Variants in DIP2C observed in about 807,000 individuals in gnomAD.
DIP2C encodes the protein disco-interacting protein 2 homolog C.
Under a neutral mutation model 192.4 loss-of-function variants are expected in DIP2C, and 33 were observed. The ratio of observed to expected loss-of-function variants is 0.17; its 90% CI spans 0.13 to 0.23. The LOEUF is 0.23. DIP2C is among the 10% of genes least tolerant of loss of function. The pLI is 1.00. For synonymous variants in DIP2C, 979 were observed against 864.1 expected, an observed-to-expected ratio of 1.13 and a Z score of -2.33; for missense variants, 1,537 against 2,110.1, an observed-to-expected ratio of 0.73 and a Z score of 5.32.
chr10:580,339 T>C (rs1588510793), intron 1 of DIP2C, among the ~76,000 whole-genome samples: 1 of 152,172 alleles, frequency 6.6e-6, no homozygotes, highest in Admixed American at 6.5e-5. Context: ...TCAGTGTGCG[T>C]AGTGTACATG....
chr10:392,738 GCACACACTCACATACA>G (rs1290349889), intron 10 of DIP2C, among the ~76,000 whole-genome samples: 1 of 150,338 alleles, frequency 6.7e-6, no homozygotes, highest in Non-Finnish European at 1.5e-5. Context: ...GTACACACGC[GCACACACTCACATACA>G]CACACACACA....
chr10:618,185 G>A (rs777816676), intron 1 of DIP2C, among the ~76,000 whole-genome samples: 13 of 152,204 alleles, frequency 8.5e-5, no homozygotes, highest in African/African-American at 2.7e-4. Context: ...AAGTTGTAAA[G>A]CCTCATGCAT....
intron 1 of DIP2C, among the ~76,000 whole-genome samples, chr10:547,235 G>C (rs928775393): frequency 2.0e-5 from 3 of 152,144 alleles, no homozygotes; most frequent in African/African-American, 7.2e-5. Flanking sequence ...CCCCCATCGC[G>C]AGGCCACAGC....
At chr10:405,171 C>T (rs141645427) in intron 9 of DIP2C, among the ~76,000 whole-genome samples, 123 of 152,348 alleles carry the variant, frequency 8.1e-4, no homozygotes, top group African/African-American at 2.4e-3. Flanking sequence ...ACAGCTGAGA[C>T]GGAGAGGATG....
intron 10 of DIP2C, 30 bp downstream of exon 10, chr10:399,079 G>A (rs765108834): frequency 1.9e-5 from 30 of 1,576,164 alleles, no homozygotes; most frequent in Non-Finnish European, 2.6e-5. Context: ...CTCACTCAGC[G>A]AGAAACCGAG....
At chr10:373,109 G>A (rs1293246132) in intron 17 of DIP2C, among the ~76,000 whole-genome samples, 1 of 152,226 alleles carries the variant, frequency 6.6e-6, no homozygotes, top group East Asian at 1.9e-4. Context: ...GGCTCGGCAG[G>A]ACTCAGACCC....
chr10:357,241 C>G (rs926597359), intron 23 of DIP2C, among the ~76,000 whole-genome samples: 2 of 152,346 alleles, frequency 1.3e-5, no homozygotes, highest in Admixed American at 6.5e-5. Context: ...GCACAATGTG[C>G]AAAGTCTGGG....
intron 22 of DIP2C, among the ~76,000 whole-genome samples, chr10:358,602 G>A (rs181735536): frequency 8.3e-5 from 2 of 24,026 alleles, no homozygotes; most frequent in Non-Finnish European, 1.5e-4. Context: ...AGAAGGGGGG[G>A]TGGGAGGTGG....
At chr10:500,019 G>T (rs1845115525) in intron 1 of DIP2C, among the ~76,000 whole-genome samples, 1 of 152,184 alleles carries the variant, frequency 6.6e-6, no homozygotes, top group South Asian at 2.1e-4. Context: ...GGATTTTGAA[G>T]GCAGACAGGG....
At chr10:623,578 G>A (rs1403657928) in intron 1 of DIP2C, among the ~76,000 whole-genome samples, 2 of 105,202 alleles carry the variant, frequency 1.9e-5, no homozygotes, top group Admixed American at 9.0e-5. Context: ...GGGATGCAGG[G>A]CTGAGGGGAG....
rs187934898 is a variant in DIP2C at position 398,308 on chromosome 10, C to T, written c.1260+801G>A. ...AATCCTTGGTCTCCACAACCCCGAACCCTAAGACACTGGCTTCTATTGATT... is the reference window on the plus strand; with the variant it reads ...AATCCTTGGTCTCCACAACCCCGAATCCTAAGACACTGGCTTCTATTGATT... On this transcript the variant is annotated intron_variant, in intron 10 of 36. Transcript: ENST00000280886. Among the ~76,000 whole-genome samples the T allele has an allele frequency of 5.4e-3, 825 of 152,334 alleles. 5 individuals are homozygous for T. Among genetic ancestry groups the T allele is most frequent in the Middle Eastern group, 0.01 (3 of 294 alleles).
At chr10:491,158 G>C (rs1472113904) in intron 1 of DIP2C, among the ~76,000 whole-genome samples, 1 of 152,198 alleles carries the variant, frequency 6.6e-6, no homozygotes, top group Non-Finnish European at 1.5e-5. Flanking sequence ...TGCTGTGAAC[G>C]TCAGGCTCAA....
chr10:290,998 A>T lies in DIP2C; in HGVS notation c.3987-2577T>A, dbSNP rs1237169554. ...TCTGGAGTTATAAAAGTGATGGGCA[A>T]ATGCCCCAGGGCTCTGCCAGGCAGG... is the stretch of plus-strand genomic sequence containing the variant. On this transcript the variant is annotated intron_variant, in intron 32 of 36. Coordinates refer to ENST00000280886, the MANE Select transcript of DIP2C (RefSeq NM_014974.3). 3.3e-5 allele frequency among the ~76,000 whole-genome samples: 5 copies of T among 152,226 alleles called. No individual in the cohort carries two copies. The East Asian group carries it at 9.6e-4, about 29-fold the overall frequency.
At chr10:577,734 C>T (rs1850258244) in intron 1 of DIP2C, among the ~76,000 whole-genome samples, 1 of 152,088 alleles carries the variant, frequency 6.6e-6, no homozygotes, top group African/African-American at 2.4e-5. Context: ...ACTCTGAACA[C>T]CTGGGAGAAA....
At chr10:673,079 C>T (rs991734569) in intron 1 of DIP2C, among the ~76,000 whole-genome samples, 3 of 152,272 alleles carry the variant, frequency 2.0e-5, no homozygotes, top group Admixed American at 6.5e-5. Flanking sequence ...GAGCTTTCCC[C>T]GGCCTTGCTG....
chr10:414,860 G>GTGTA (rs1036735224), intron 7 of DIP2C, among the ~76,000 whole-genome samples: 6 of 44,436 alleles, frequency 1.4e-4, no homozygotes, highest in African/African-American at 4.2e-4. Flanking sequence ...ATTTGTGTGT[G>GTGTA]TGTGTGTGTG....
intron 6 of DIP2C, among the ~76,000 whole-genome samples, chr10:417,977 G>A (rs865863851): frequency 1.1e-4 from 11 of 102,692 alleles, no homozygotes; most frequent in East Asian, 3.9e-4. Flanking sequence ...TCAGGGCTCG[G>A]ATAGGCCTCC....
intron 1 of DIP2C, among the ~76,000 whole-genome samples, chr10:511,203 A>C (rs1451574431): frequency 6.6e-6 from 1 of 152,182 alleles, no homozygotes; most frequent in South Asian, 2.1e-4. Context: ...AGGGGGCAGG[A>C]GAGAGCAGCA....
rs752906155 is a variant in DIP2C, at chr10:327,175, G to A, written c.3755C>T (p.Ala1252Val). ...GLGSQTESLK[A>V]RGLDLSRVRT... ...CACTCGGGACAAGTCCAGCCCTCGC[G>A]CCTGGAGATGATGACAGAGAAACCG... Residue 1252 changes from alanine to valine, a missense_variant and splice_region_variant, in exon 31 of 37, where the codon GCG becomes GTG. Ala to Val is a moderately conservative substitution (Grantham distance 64). This residue lies in a region of DIP2C where 341 missense variants were observed against 551.7 expected (regional missense o/e 0.62). Transcript: ENST00000280886. 29 of 1,612,732 alleles carry A rather than the reference G, an allele frequency of 1.8e-5. No homozygotes were observed. The highest frequency in any genetic ancestry group is 3.3e-5 in the Admixed American group (2 of 59,922).
Sources: allele counts gnomAD v4.1 joint callset (sites outside exome capture counted in the v4.1 genomes callset), GRCh38; gene constraint gnomAD v4.1.1; regional missense constraint gnomAD v4.1.1; transcripts MANE v1.5; gene names NCBI Gene and HGNC (gene_info 2026-07-23, HGNC 2026-07-21).